The following GABRA3 variants were observed in gnomAD, a reference collection of about 807,000 sequenced individuals.
The protein encoded by GABRA3 is gamma-aminobutyric acid type A receptor subunit alpha3.
A neutral mutation model predicts 30.1 loss-of-function variants in GABRA3; 10 were observed. The ratio of observed to expected loss-of-function variants is 0.33; its 90% CI spans 0.20 to 0.56. The LOEUF is 0.56. GABRA3 is among the 20% of genes least tolerant of loss of function. The probability of loss-of-function intolerance (pLI) is 0.89; values close to 1 mark genes in which losing one functional copy is unlikely to be tolerated. For synonymous variants in GABRA3, 151 were observed against 146.8 expected (o/e 1.03, Z -0.21); for missense variants, 233 against 392.0 (o/e 0.59, Z 3.42).
chrX:152,404,687 C>T (rs936082074), intron 1 of GABRA3, among the ~76,000 whole-genome samples: 4 of 108,349 alleles, frequency 3.7e-5, no homozygotes, highest in Non-Finnish European at 5.7e-5. Context: ...GGAGTCTAGA[C>T]CCCAAACCCT....
chrX:152,345,895 T>C (rs947602111), intron 2 of GABRA3, among the ~76,000 whole-genome samples, 193 bp from the exon 3 acceptor site: 3 of 111,503 alleles, frequency 2.7e-5, no homozygotes, highest in African/African-American at 9.8e-5. Flanking sequence ...GTGTGGTTAA[T>C]ACTCGAACTC....
At chrX:152,227,428 T>C (rs188810615) in intron 5 of GABRA3, among the ~76,000 whole-genome samples, 2,669 of 102,645 alleles carry the variant, frequency 0.026, 90 homozygotes, top group African/African-American at 0.089. Context: ...ATATAACTAA[T>C]GCTAGATGAC....
intron 1 of GABRA3, among the ~76,000 whole-genome samples, chrX:152,430,896 G>A (rs1344246219): frequency 9.1e-6 from 1 of 109,453 alleles, no homozygotes; most frequent in Admixed American, 9.8e-5. Context: ...AAGGGAAAGA[G>A]ATACAGATAG....
rs372775312 is a variant in GABRA3 at position 152,202,782 on chromosome X, C to T, written c.779-4997G>A. Among the ~76,000 whole-genome samples the T allele has an allele frequency of 1.6e-3, 176 of 111,658 alleles. 1 individual carries two copies. The highest frequency in any genetic ancestry group is 5.2e-3 in the African/African-American group (159 of 30,726). ...CAAAAATAAAACTCCAGATTATATT[C>T]GAGATGTAAATTTTAAAAATGGAAA... On this transcript the variant is annotated intron_variant, in intron 7 of 9. Coordinates refer to ENST00000370314, the MANE Select transcript of GABRA3 (RefSeq NM_000808.4).
intron 4 of GABRA3, among the ~76,000 whole-genome samples, chrX:152,272,934 A>C (rs1938973211): frequency 9.0e-6 from 1 of 111,438 alleles, no homozygotes; most frequent in African/African-American, 3.3e-5. Flanking sequence ...AGGCTTCCCC[A>C]GTCATGCGGA....
At chrX:152,442,176 C>T (rs1347525178) in intron 1 of GABRA3, among the ~76,000 whole-genome samples, 3 of 110,710 alleles carry the variant, frequency 2.7e-5, no homozygotes, top group African/African-American at 9.8e-5. Context: ...CTGAGTGTCA[C>T]GTTTGGAGGG....
intron 4 of GABRA3, among the ~76,000 whole-genome samples, chrX:152,263,564 G>C (rs1454362096): frequency 1.8e-5 from 2 of 110,482 alleles, no homozygotes; most frequent in Non-Finnish European, 3.8e-5. Context: ...AAACAATGAA[G>C]CATGCTTTCA....
At chrX:152,272,580 A>G (rs1228730288) in intron 4 of GABRA3, among the ~76,000 whole-genome samples, 2 of 111,579 alleles carry the variant, frequency 1.8e-5, no homozygotes, top group Non-Finnish European at 3.8e-5. Flanking sequence ...ATGAGTTAAT[A>G]ATTTGGGGGA....
At chrX:152,272,857 G>T (rs546655054) in intron 4 of GABRA3, among the ~76,000 whole-genome samples, 4 of 111,279 alleles carry the variant, frequency 3.6e-5, no homozygotes, top group African/African-American at 1.3e-4. Context: ...GCTTAGCACT[G>T]CTGTCCCTGC....
chrX:152,316,427 A>C (rs2124463430), intron 3 of GABRA3, among the ~76,000 whole-genome samples: 1 of 112,122 alleles, frequency 8.9e-6, no homozygotes, highest in African/African-American at 3.2e-5. Context: ...AAGTTTGGAA[A>C]GCATATTTGG....
At chrX:152,270,499 A>G (rs1360993766) in intron 4 of GABRA3, among the ~76,000 whole-genome samples, 1 of 111,335 alleles carries the variant, frequency 9.0e-6, no homozygotes. Flanking sequence ...ATACCTGAAA[A>G]TCTGGAAGCA....
At position 152,345,610 on chromosome X, in the gene GABRA3, T is replaced by C; in HGVS notation, c.233A>G (p.Tyr78Cys). Residue 78 changes from tyrosine (Y) to cysteine (C), a missense_variant, in exon 3 of 10, where the codon TAT becomes TGT. Physicochemically the swap from Tyr to Cys is radical, Grantham distance 194. Around this residue, in one of 6 missense-constraint regions of GABRA3, gnomAD observed 69 missense variants for 79.4 expected, o/e 0.87. Transcript: ENST00000370314. ...AAGCCCAGGTCGCAGCCGGTTGTCA[T>C]AGCCGTCCAGAAGACGATCCAAGAT... The part of the protein sequence containing the change: ...TRILDRLLDG[Y>C]DNRLRPGLGD... 1 of 1,209,706 alleles carries C rather than the reference T, an allele frequency of 8.3e-7. No homozygotes were observed. The highest frequency in any genetic ancestry group is 1.1e-6 in the Non-Finnish European group (1 of 894,574).
In GABRA3 at chrX:152,306,841, G is replaced by A. The variant is rs1037001441; in HGVS notation, c.263-22106C>T. Among the ~76,000 whole-genome samples the A allele has an allele frequency of 4.5e-5, 5 of 111,518 alleles. No individual in the cohort carries two copies. The East Asian group carries it at 8.5e-4, about 19-fold the overall frequency. ...GAATCTGCTCTTTTAATTTTCGGAT[G>A]AGGAACCCTCCTCTAAGTTGATATA... is the stretch of plus-strand genomic sequence containing the variant. On this transcript the variant is annotated intron_variant, in intron 3 of 9. Transcript: ENST00000370314.
intron 9 of GABRA3, among the ~76,000 whole-genome samples, chrX:152,181,824 TA>T (rs111733044): frequency 5.6e-5 from 6 of 106,610 alleles, no homozygotes; most frequent in Non-Finnish European, 1.2e-4. Flanking sequence ...AGTATAATAA[TA>T]AAAAAAAAGA....
intron 3 of GABRA3, among the ~76,000 whole-genome samples, chrX:152,319,217 G>A (rs1939924039): frequency 9.0e-6 from 1 of 111,378 alleles, no homozygotes; most frequent in African/African-American, 3.3e-5. Flanking sequence ...CACAGAACTA[G>A]AAAAAGCAAT....
chrX:152,178,250 A>ATG (rs763383254), intron 9 of GABRA3, among the ~76,000 whole-genome samples: 34,899 of 106,874 alleles, frequency 0.33, 4,803 homozygotes, highest in African/African-American at 0.5. Flanking sequence ...GTGTGCGTCT[A>ATG]TGTGTGTGTG....
chrX:152,373,212 T>C (rs952741890), intron 1 of GABRA3, among the ~76,000 whole-genome samples: 1 of 111,792 alleles, frequency 8.9e-6, no homozygotes, highest in South Asian at 3.8e-4. Context: ...CCATGATAGT[T>C]TGCTGCACAG....
chrX:152,414,432 G>C (rs1930154565), intron 1 of GABRA3, among the ~76,000 whole-genome samples: 1 of 111,276 alleles, frequency 9.0e-6, no homozygotes, highest in Admixed American at 9.6e-5. Context: ...CATACGATAA[G>C]ATTCTCGGCA....
chrX:152,434,500 A>G (rs1332329189), intron 1 of GABRA3, among the ~76,000 whole-genome samples: 1 of 111,621 alleles, frequency 9.0e-6, no homozygotes, highest in Non-Finnish European at 1.9e-5. Context: ...ATTCTACACA[A>G]GCTGTTTCAC....
Sources: gnomAD v4.1 joint callset for allele counts (sites outside exome capture counted in the v4.1 genomes callset) on GRCh38, gnomAD v4.1.1 for gene constraint, gnomAD v4.1.1 regional missense constraint, MANE v1.5 for transcripts, NCBI Gene and HGNC (gene_info 2026-07-23, HGNC 2026-07-21) for gene names.